The following GLIS3 variants were observed in gnomAD, a reference collection of about 807,000 sequenced individuals.
The protein encoded by GLIS3 is GLIS family zinc finger 3, also known as zinc finger protein GLIS3.
Under a neutral mutation model 78.6 loss-of-function variants are expected in GLIS3, and 53 were observed. That is an observed-to-expected ratio of 0.67 (90% CI 0.54 to 0.85). The LOEUF (loss-of-function observed/expected upper bound fraction) is 0.85. Among genes scored for constraint, GLIS3 ranks in the 40% least tolerant of loss-of-function variants. The pLI, the probability that GLIS3 is intolerant of heterozygous loss-of-function variation, is 0.00. For missense variants in GLIS3, 1,703 were observed against 1,231.1 expected (o/e 1.38, Z -5.74); for synonymous variants, 684 against 509.9 (o/e 1.34, Z -4.60).
the GLIS3 span, among the ~76,000 whole-genome samples, chr9:4,359,347 AACT>A: frequency 1.3e-5 from 2 of 152,284 alleles, no homozygotes; most frequent in Admixed American, 6.5e-5. Flanking sequence ...GATTCACCCA[AACT>A]GCTTTTGGAA....
At chr9:4,056,036 C>G (rs1489377779) in intron 4 of GLIS3, among the ~76,000 whole-genome samples, 1 of 152,198 alleles carries the variant, frequency 6.6e-6, no homozygotes, top group Non-Finnish European at 1.5e-5. Flanking sequence ...GCAATTAATA[C>G]TAGGCCCTGT....
At chr9:4,397,526 G>A in the GLIS3 span, among the ~76,000 whole-genome samples, 3 of 151,688 alleles carry the variant, frequency 2.0e-5, no homozygotes, top group Admixed American at 1.3e-4. Flanking sequence ...AACTGTTGAA[G>A]AAAACCAAGC....
intron 2 of GLIS3, among the ~76,000 whole-genome samples, chr9:4,244,341 C>G (rs1258212938): frequency 2.0e-5 from 3 of 152,212 alleles, no homozygotes; most frequent in Non-Finnish European, 4.4e-5. Context: ...TGGATACTTA[C>G]CAAGAGTCAT....
At chr9:4,451,414 C>A in the GLIS3 span, among the ~76,000 whole-genome samples, 1 of 152,058 alleles carries the variant, frequency 6.6e-6, no homozygotes, top group Non-Finnish European at 1.5e-5. Flanking sequence ...TATTTAACAC[C>A]CCACTGTCAA....
chr9:4,475,266 A>C, the GLIS3 span, among the ~76,000 whole-genome samples: 1 of 152,254 alleles, frequency 6.6e-6, no homozygotes, highest in Admixed American at 6.5e-5. Context: ...AATAAGATGG[A>C]CAACCTTATA....
chr9:4,046,575 G>C (rs891613977), intron 4 of GLIS3, among the ~76,000 whole-genome samples: 3 of 152,180 alleles, frequency 2.0e-5, no homozygotes, highest in Non-Finnish European at 4.4e-5. Context: ...AATACGATAA[G>C]TTGTACTTAA....
intron 2 of GLIS3, chr9:4,145,040 C>G (rs1353455947): frequency 6.6e-6 from 1 of 152,146 alleles, no homozygotes. Flanking sequence ...CGAAGTGAGC[C>G]CATTGAAAGC....
chr9:3,915,789 A>G (rs918363586), intron 6 of GLIS3, among the ~76,000 whole-genome samples: 1 of 152,172 alleles, frequency 6.6e-6, no homozygotes, highest in African/African-American at 2.4e-5. Context: ...ATCTCTGCAA[A>G]GAGTCATGTA....
chr9:3,898,433 G>A (rs568695222), intron 7 of GLIS3: 1 of 517,454 alleles, frequency 1.9e-6, no homozygotes, highest in Non-Finnish European at 3.5e-6. Context: ...GCGAGGGTTG[G>A]GTACACTGAA....
the GLIS3 span, among the ~76,000 whole-genome samples, chr9:4,407,683 A>G: frequency 6.6e-6 from 1 of 152,172 alleles, no homozygotes; most frequent in African/African-American, 2.4e-5. Flanking sequence ...AAACATTGGA[A>G]AAACTATCCA....
At chr9:3,979,499 G>A (rs776683782) in intron 4 of GLIS3, among the ~76,000 whole-genome samples, 2 of 152,212 alleles carry the variant, frequency 1.3e-5, no homozygotes, top group East Asian at 1.9e-4. Context: ...GCTCTGCCTC[G>A]TTTCAGGCTA....
chr9:4,094,580 T>C (rs1027055524), intron 4 of GLIS3, among the ~76,000 whole-genome samples: 2 of 152,210 alleles, frequency 1.3e-5, no homozygotes, highest in African/African-American at 4.8e-5. Flanking sequence ...CAATTGAACA[T>C]TCATAAATAA....
chr9:4,126,120 A>G lies in GLIS3; in HGVS notation c.389-179T>C, dbSNP rs1056805991. On this transcript the variant is annotated intron_variant, in intron 2 of 10. Transcript: ENST00000381971. ...ATTCCAATGACAAAGCCATAACGCT[A>G]TAATAGAAACCTTTCCATAATCAGC... 4.6e-5 allele frequency among the ~76,000 whole-genome samples: 7 copies of G among 152,154 alleles called. No individual in the cohort carries two copies. The East Asian group carries it at 1.3e-3, about 29-fold the overall frequency.
intron 4 of GLIS3, chr9:4,070,890 T>C (rs551152008): frequency 6.6e-6 from 1 of 152,270 alleles, no homozygotes; most frequent in African/African-American, 2.4e-5. Context: ...CTCAACACAG[T>C]AGCAAAATTA....
chr9:3,921,179 G>T (rs527456588), intron 6 of GLIS3, among the ~76,000 whole-genome samples: 1 of 152,204 alleles, frequency 6.6e-6, no homozygotes, highest in East Asian at 1.9e-4. Context: ...ATCTCGAAAT[G>T]AGGACAGTTG....
intron 2 of GLIS3, among the ~76,000 whole-genome samples, chr9:4,143,153 C>T (rs776578236): frequency 6.2e-4 from 94 of 152,052 alleles, no homozygotes; most frequent in Non-Finnish European, 8.1e-4. Flanking sequence ...ATTTGACATA[C>T]GTACACACTG....
the GLIS3 span, among the ~76,000 whole-genome samples, chr9:4,426,024 C>A: frequency 6.6e-6 from 1 of 152,110 alleles, no homozygotes; most frequent in Admixed American, 6.5e-5. Context: ...AACAATCTTC[C>A]TCGACAAAAA....
chr9:4,269,993 C>G (rs1265293959), intron 2 of GLIS3, among the ~76,000 whole-genome samples: 2 of 152,212 alleles, frequency 1.3e-5, no homozygotes, highest in Non-Finnish European at 2.9e-5. Flanking sequence ...TGTAATGGTT[C>G]ATGGGAATTA....
chr9:4,433,561 C>T, the GLIS3 span, among the ~76,000 whole-genome samples: 4 of 152,194 alleles, frequency 2.6e-5, no homozygotes, highest in African/African-American at 4.8e-5. Flanking sequence ...ATATGGACTC[C>T]GTTTTTTGCC....
Sources: allele counts gnomAD v4.1 joint callset (sites outside exome capture counted in the v4.1 genomes callset), GRCh38; gene constraint gnomAD v4.1.1; transcripts MANE v1.5; gene names NCBI Gene and HGNC (gene_info 2026-07-23, HGNC 2026-07-21).